The following SNTG1 variants were observed in gnomAD, a reference collection of about 807,000 sequenced individuals.
SNTG1 encodes the protein syntrophin gamma 1.
A neutral mutation model predicts 74.7 loss-of-function variants in SNTG1; 39 were observed. The ratio of observed to expected loss-of-function variants is 0.52; its 90% CI spans 0.40 to 0.68. The LOEUF is 0.68. SNTG1 is among the 30% of genes least tolerant of loss of function. The pLI, the probability that SNTG1 is intolerant of heterozygous loss-of-function variation, is 0.00. For missense variants in SNTG1, 685 were observed against 609.5 expected (o/e 1.12, Z -1.30); for synonymous variants, 254 against 217.1 (o/e 1.17, Z -1.49).
chr8:50,348,053 C>G (rs1343390192), intron 2 of SNTG1, among the ~76,000 whole-genome samples: 2 of 152,086 alleles, frequency 1.3e-5, no homozygotes, highest in African/African-American at 4.8e-5. Context: ...GTTAATTGCT[C>G]TGATTGAAAA....
At chr8:50,441,434 A>G (rs2093356668) in intron 5 of SNTG1, among the ~76,000 whole-genome samples, 1 of 152,130 alleles carries the variant, frequency 6.6e-6, no homozygotes, top group Non-Finnish European at 1.5e-5. Context: ...CTACGGCTTA[A>G]TTCTAGGACT....
chr8:50,349,852 G>A (rs2091594958), intron 2 of SNTG1, among the ~76,000 whole-genome samples: 1 of 152,190 alleles, frequency 6.6e-6, no homozygotes, highest in Non-Finnish European at 1.5e-5. Flanking sequence ...CTGCTGCACT[G>A]TGGGAGCCCC....
chr8:50,508,593 CT>C (rs1171272466), intron 9 of SNTG1, among the ~76,000 whole-genome samples: 1 of 152,170 alleles, frequency 6.6e-6, no homozygotes, highest in Non-Finnish European at 1.5e-5. Flanking sequence ...TGTTTCCTGA[CT>C]TTTTAATGAT....
intron 2 of SNTG1, among the ~76,000 whole-genome samples, chr8:50,265,505 T>A (rs1307888584): frequency 6.6e-6 from 1 of 152,000 alleles, no homozygotes; most frequent in African/African-American, 2.4e-5. Flanking sequence ...AAAAAACCTA[T>A]AGCTGGCAAT....
intron 1 of SNTG1, among the ~76,000 whole-genome samples, chr8:50,055,033 G>A (rs1439207394): frequency 1.3e-5 from 2 of 151,882 alleles, no homozygotes; most frequent in Admixed American, 6.6e-5. Flanking sequence ...GAACCACCCT[G>A]CCCTTTCTTA....
Position 50,151,490 on chromosome 8 carries a change from A to C in SNTG1, c.-102-21071A>C, listed in dbSNP as rs780437959. ...TTCCTCTTGCTTCTCTAGTTCTTTT[A>C]ATTGTGATGTTAGGGTGTCAATTTT... On this transcript the variant is annotated intron_variant, in intron 1 of 18. Transcript: ENST00000642720. Among the ~76,000 whole-genome samples the C allele has an allele frequency of 1.6e-3, 245 of 151,778 alleles. 1 individual carries two copies. The highest frequency in any genetic ancestry group is 2.2e-3 in the Non-Finnish European group (150 of 67,936).
At chr8:50,087,189 A>C (rs1822970524) in intron 1 of SNTG1, among the ~76,000 whole-genome samples, 1 of 152,126 alleles carries the variant, frequency 6.6e-6, no homozygotes, top group African/African-American at 2.4e-5. Context: ...GTTTAGAAAG[A>C]CTCAAGAATC....
intron 1 of SNTG1, among the ~76,000 whole-genome samples, chr8:49,972,096 T>C (rs889632281): frequency 2.8e-4 from 42 of 152,234 alleles, no homozygotes; most frequent in African/African-American, 7.7e-4. Flanking sequence ...GGAGGCATCA[T>C]GCTACCTGAC....
rs1054712817 is a variant in SNTG1 at position 50,694,155 on chromosome 8, GT to G, written c.1039-10434del. Among the ~76,000 whole-genome samples, 402 of 144,584 alleles carry G rather than the reference GT, an allele frequency of 2.8e-3. 1 individual carries two copies. Among genetic ancestry groups the G allele is most frequent in the African/African-American group, 7.8e-3 (310 of 39,746 alleles). The allele number at this position is 144,584 out of a possible 152,430, so 94.9% of individuals were successfully genotyped here. On this transcript the variant is annotated intron_variant, in intron 15 of 18. Coordinates refer to ENST00000642720, the MANE Select transcript of SNTG1 (RefSeq NM_018967.5). Reference sequence around the variant, plus strand: ...AGAAAAGAAAGACCAAGGAAATGAAGTTTTTTTTTTTGAAAAAATGTATCAT... The same window carrying G: ...AGAAAAGAAAGACCAAGGAAATGAAGTTTTTTTTTTGAAAAAATGTATCAT...
chr8:50,387,661 T>A (rs916051584), intron 2 of SNTG1, among the ~76,000 whole-genome samples: 1 of 152,166 alleles, frequency 6.6e-6, no homozygotes, highest in Non-Finnish European at 1.5e-5. Flanking sequence ...ATCATGAGTA[T>A]CCATTCCACA....
intron 1 of SNTG1, among the ~76,000 whole-genome samples, chr8:50,021,469 T>G (rs1816805947): frequency 6.6e-6 from 1 of 152,192 alleles, no homozygotes; most frequent in African/African-American, 2.4e-5. Context: ...ATATTTAATT[T>G]GATGAATTCA....
chr8:50,460,258 G>A (rs1022236034), intron 8 of SNTG1, among the ~76,000 whole-genome samples: 1 of 152,110 alleles, frequency 6.6e-6, no homozygotes, highest in African/African-American at 2.4e-5. Flanking sequence ...TTTTAAATAT[G>A]TTTGTTTGCT....
At chr8:50,139,125 G>A (rs771984028) in intron 1 of SNTG1, among the ~76,000 whole-genome samples, 3 of 152,022 alleles carry the variant, frequency 2.0e-5, no homozygotes, top group African/African-American at 7.2e-5. Context: ...ATATATTTAT[G>A]TACATTTGTG....
chr8:50,301,520 T>C (rs1050510857), intron 2 of SNTG1, among the ~76,000 whole-genome samples: 9 of 152,180 alleles, frequency 5.9e-5, no homozygotes. Flanking sequence ...TCTTCAAATA[T>C]ACTTACAATA....
intron 8 of SNTG1, among the ~76,000 whole-genome samples, chr8:50,488,243 A>G (rs1422305611): frequency 2.0e-5 from 3 of 152,180 alleles, no homozygotes; most frequent in African/African-American, 7.2e-5. Context: ...AAATTCTGCA[A>G]GATTTGCCAC....
intron 1 of SNTG1, among the ~76,000 whole-genome samples, chr8:50,170,308 T>C (rs988242251): frequency 1.3e-5 from 2 of 152,192 alleles, no homozygotes; most frequent in Non-Finnish European, 2.9e-5. Flanking sequence ...CAAATACATC[T>C]ATATAAAATA....
At chr8:50,536,211 T>C (rs1214673225) in intron 10 of SNTG1, among the ~76,000 whole-genome samples, 3 of 152,200 alleles carry the variant, frequency 2.0e-5, no homozygotes, top group Non-Finnish European at 4.4e-5. Flanking sequence ...GGAAAGCTTA[T>C]TCTATTCAAA....
chr8:50,212,444 C>G (rs1046528583), intron 2 of SNTG1, among the ~76,000 whole-genome samples: 4 of 152,094 alleles, frequency 2.6e-5, no homozygotes, highest in African/African-American at 7.2e-5. Context: ...CATAATCTCT[C>G]CATACCTATT....
chr8:50,509,079 C>T (rs920124073), intron 9 of SNTG1, among the ~76,000 whole-genome samples: 2 of 151,940 alleles, frequency 1.3e-5, no homozygotes, highest in African/African-American at 4.8e-5. Flanking sequence ...CTTTAATCTA[C>T]CTTGAATTAA....
Sources: gnomAD v4.1 joint callset for allele counts (sites outside exome capture counted in the v4.1 genomes callset) on GRCh38, gnomAD v4.1.1 for gene constraint, MANE v1.5 for transcripts, NCBI Gene and HGNC (gene_info 2026-07-23, HGNC 2026-07-21) for gene names.